Variants in MARK2 observed in about 807,000 individuals in gnomAD.
MARK2 encodes microtubule affinity regulating kinase 2.
In MARK2, 16 loss-of-function variants were observed where a neutral mutation model predicts 89.8. The ratio of observed to expected loss-of-function variants is 0.18; its 90% CI spans 0.12 to 0.27. The LOEUF (loss-of-function observed/expected upper bound fraction) is 0.27. Among genes scored for constraint, MARK2 ranks in the 10% least tolerant of loss-of-function variants. The probability of loss-of-function intolerance (pLI) is 1.00; values close to 1 mark genes in which losing one functional copy is unlikely to be tolerated. For synonymous variants in MARK2, 382 were observed against 399.5 expected (o/e 0.96, Z 0.52); for missense variants, 621 against 1,049.9 (o/e 0.59, Z 5.65).
At chr11:63,854,029 C>G (rs185534023) in intron 1 of MARK2, among the ~76,000 whole-genome samples, 3 of 151,470 alleles carry the variant, frequency 2.0e-5, no homozygotes, top group African/African-American at 4.9e-5. Context: ...CCTGCCACCA[C>G]GCCTGGCTAA....
At chr11:63,891,837 A>G (rs968939658) in intron 1 of MARK2, among the ~76,000 whole-genome samples, 1 of 152,202 alleles carries the variant, frequency 6.6e-6, no homozygotes, top group East Asian at 1.9e-4. Flanking sequence ...AGAAAAAGGT[A>G]GCCTGAGGAG....
At chr11:63,853,651 C>T (rs962275548) in intron 1 of MARK2, among the ~76,000 whole-genome samples, 8 of 152,218 alleles carry the variant, frequency 5.3e-5, no homozygotes, top group South Asian at 4.1e-4. Context: ...TCCATTTGCA[C>T]CCTTGGTGCA....
chr11:63,843,780 C>A (rs1359824678), intron 1 of MARK2, among the ~76,000 whole-genome samples: 1 of 152,156 alleles, frequency 6.6e-6, no homozygotes, highest in Non-Finnish European at 1.5e-5. Flanking sequence ...CGCCCACCAC[C>A]ATGCTGGCTA....
chr11:63,895,514 G>C, intron 2 of MARK2, 66 bp from the exon 3 acceptor site: 1 of 1,491,602 alleles, frequency 6.7e-7, no homozygotes, highest in Non-Finnish European at 9.4e-7. Context: ...AAAGGAGGAA[G>C]TAGATTGGAA....
At chr11:63,894,006 C>G (rs1313511620) in intron 1 of MARK2, among the ~76,000 whole-genome samples, 1 of 152,174 alleles carries the variant, frequency 6.6e-6, no homozygotes, top group African/African-American at 2.4e-5. Context: ...GATATTCAAC[C>G]CGTATTATGT....
At chr11:63,908,397 C>A in intron 18 of MARK2, 93 bp downstream of exon 18, 1 of 1,100,684 alleles carries the variant, frequency 9.1e-7, no homozygotes. Flanking sequence ...TTGGCTCTTC[C>A]TCCCGTGGTT....
At chr11:63,891,287 GT>G (rs1939835388) in intron 1 of MARK2, among the ~76,000 whole-genome samples, 6 of 152,148 alleles carry the variant, frequency 3.9e-5, no homozygotes, top group Admixed American at 3.9e-4. Context: ...AAGTTAATAT[GT>G]GCTGAGTAGG....
intron 1 of MARK2, among the ~76,000 whole-genome samples, chr11:63,862,276 T>TA (rs1937850403): frequency 6.6e-6 from 1 of 152,100 alleles, no homozygotes; most frequent in African/African-American, 2.4e-5. Flanking sequence ...GGTGAGGAAA[T>TA]AGAGGCCCAG....
chr11:63,875,280 C>G (rs899277155), intron 1 of MARK2, among the ~76,000 whole-genome samples: 9 of 152,036 alleles, frequency 5.9e-5, no homozygotes, highest in Admixed American at 6.6e-5. Flanking sequence ...GCCACCATGC[C>G]CAGCTAATTT....
At chr11:63,858,503 G>A (rs1366627476) in intron 1 of MARK2, among the ~76,000 whole-genome samples, 3 of 151,988 alleles carry the variant, frequency 2.0e-5, no homozygotes, top group Non-Finnish European at 2.9e-5. Context: ...ACAGGCATGC[G>A]CCACCACACC....
chr11:63,895,074 A>G, intron 1 of MARK2, 85 bp from the exon 2 acceptor site: 6 of 1,105,506 alleles, frequency 5.4e-6, no homozygotes, highest in Non-Finnish European at 7.9e-6. Context: ...CTGCCCCTGC[A>G]CCCTCATCCC....
chr11:63,901,271 G>T (rs1376366375), intron 11 of MARK2, among the ~76,000 whole-genome samples: 1 of 152,206 alleles, frequency 6.6e-6, no homozygotes, highest in Non-Finnish European at 1.5e-5. Context: ...AGCTGGTAGG[G>T]TCGGTGTGGG....
intron 1 of MARK2, among the ~76,000 whole-genome samples, chr11:63,873,992 A>G (rs1938601453): frequency 6.6e-6 from 1 of 152,306 alleles, no homozygotes; most frequent in Non-Finnish European, 1.5e-5. Flanking sequence ...TTTGCAGAGG[A>G]GCACTGGAAA....
chr11:63,895,551 G>T (rs1294565800), intron 2 of MARK2, 29 bp from the exon 3 acceptor site: 1 of 1,605,932 alleles, frequency 6.2e-7, no homozygotes, highest in African/African-American at 1.3e-5. Context: ...TCAGAGAAGT[G>T]ATTTGGGGCC....
chr11:63,908,444 CAG>C (rs1477203444), intron 18 of MARK2, 140 bp downstream of exon 18: 3 of 682,480 alleles, frequency 4.4e-6, no homozygotes, highest in Non-Finnish European at 7.5e-6. Context: ...TCCCTTTCCT[CAG>C]AGAGTTTCCC....
intron 1 of MARK2, among the ~76,000 whole-genome samples, chr11:63,872,373 C>T (rs906647095): frequency 2.0e-5 from 3 of 152,164 alleles, no homozygotes; most frequent in Admixed American, 6.5e-5. Context: ...TAGAAGTGAC[C>T]GTGTTCCACA....
chr11:63,847,608 G>A (rs1005460807), intron 1 of MARK2, among the ~76,000 whole-genome samples: 2 of 152,222 alleles, frequency 1.3e-5, no homozygotes, highest in Non-Finnish European at 2.9e-5. Flanking sequence ...TGAGGCGAAA[G>A]TTTGGAAGAC....
intron 1 of MARK2, among the ~76,000 whole-genome samples, chr11:63,866,593 T>C (rs1472434745): frequency 1.3e-5 from 2 of 152,248 alleles, no homozygotes; most frequent in African/African-American, 4.8e-5. Context: ...AGAATGCTTC[T>C]ATTATCAAAT....
At chr11:63,848,839 G>A (rs1462376425) in intron 1 of MARK2, among the ~76,000 whole-genome samples, 1 of 151,926 alleles carries the variant, frequency 6.6e-6, no homozygotes, top group Non-Finnish European at 1.5e-5. Context: ...GGGATTACAG[G>A]CGTGAGCCAC....
Sources: allele counts gnomAD v4.1 joint callset (sites outside exome capture counted in the v4.1 genomes callset), GRCh38; gene constraint gnomAD v4.1.1; transcripts MANE v1.5; gene names NCBI Gene and HGNC (gene_info 2026-07-23, HGNC 2026-07-21).